The following ULK4 variants were observed in gnomAD, a reference collection of about 807,000 sequenced individuals.
ULK4 encodes the protein unc-51 like kinase 4.
In ULK4, 133 loss-of-function variants were observed where a neutral mutation model predicts 160.6. That is an observed-to-expected ratio of 0.83 (90% confidence interval 0.72 to 0.96). The LOEUF (loss-of-function observed/expected upper bound fraction) is 0.96. ULK4 is among the 40% of genes least tolerant of loss of function. The probability of loss-of-function intolerance (pLI) is 0.00; values close to 1 mark genes in which losing one functional copy is unlikely to be tolerated. For missense variants in ULK4, 1,580 were observed against 1,499.5 expected, an observed-to-expected ratio of 1.05 and a Z score of -0.89; for synonymous variants, 534 against 539.8, an observed-to-expected ratio of 0.99 and a Z score of 0.15.
intron 19 of ULK4, among the ~76,000 whole-genome samples, chr3:41,813,384 T>C (rs1346154868): frequency 1.3e-5 from 2 of 152,230 alleles, no homozygotes; most frequent in Non-Finnish European, 2.9e-5. Context: ...TCCAAAATTA[T>C]TTTCTGAACT....
rs534685777 is a variant in ULK4, at chr3:41,417,476, A to G, written c.3493-19212T>C. ...GAGGAGGCTGTGACCAGGTATGAAG[A>G]GCTCACAGAAGGCTGGGGTTAGCCT... is the stretch of plus-strand genomic sequence containing the variant. On this transcript the variant is annotated intron_variant, in intron 34 of 36. Transcript: ENST00000301831. 3.9e-5 allele frequency among the ~76,000 whole-genome samples: 6 copies of G among 152,288 alleles called. No individual in the cohort carries two copies. The East Asian group carries it at 1.2e-3, about 29-fold the overall frequency.
intron 16 of ULK4, among the ~76,000 whole-genome samples, chr3:41,894,683 C>A (rs977558665): frequency 4.7e-4 from 71 of 152,156 alleles, no homozygotes; most frequent in African/African-American, 1.7e-3. Flanking sequence ...TATCCCATCC[C>A]AATTTTACAG....
intron 21 of ULK4, among the ~76,000 whole-genome samples, chr3:41,764,646 G>A (rs1029765265): frequency 6.6e-6 from 1 of 152,206 alleles, no homozygotes; most frequent in African/African-American, 2.4e-5. Context: ...TGATAATAGT[G>A]CACTTGAATA....
intron 1 of ULK4, among the ~76,000 whole-genome samples, chr3:41,959,260 G>C (rs1162068802): frequency 6.6e-6 from 1 of 151,888 alleles, no homozygotes; most frequent in East Asian, 1.9e-4. Context: ...ACCTACTCGG[G>C]AGGCTGAGGC....
chr3:41,911,881 G>A (rs1698799549), intron 9 of ULK4, among the ~76,000 whole-genome samples: 1 of 152,166 alleles, frequency 6.6e-6, no homozygotes, highest in South Asian at 2.1e-4. Context: ...GGCCAGGCGT[G>A]GTGGTACACA....
At chr3:41,942,130 C>T (rs1467873713) in intron 2 of ULK4, among the ~76,000 whole-genome samples, 2 of 152,120 alleles carry the variant, frequency 1.3e-5, no homozygotes, top group African/African-American at 2.4e-5. Context: ...ACTGAGAACT[C>T]GAAAAGTGGC....
At chr3:41,667,173 C>A (rs1054466656) in intron 29 of ULK4, among the ~76,000 whole-genome samples, 6 of 150,478 alleles carry the variant, frequency 4.0e-5, no homozygotes, top group African/African-American at 1.5e-4. Flanking sequence ...AAAAGAAAAA[C>A]ACACACACAA....
At chr3:41,505,838 C>T (rs2085354625) in intron 32 of ULK4, among the ~76,000 whole-genome samples, 2 of 152,046 alleles carry the variant, frequency 1.3e-5, no homozygotes, top group African/African-American at 4.8e-5. Context: ...CTAGGACCTC[C>T]AATACAACAT....
At chr3:41,600,655 C>A (rs1396164477) in intron 31 of ULK4, among the ~76,000 whole-genome samples, 1 of 152,160 alleles carries the variant, frequency 6.6e-6, no homozygotes, top group African/African-American at 2.4e-5. Context: ...AATCACTCCA[C>A]ATCAGAGAGG....
intron 27 of ULK4, among the ~76,000 whole-genome samples, 200 bp downstream of exon 27, chr3:41,704,857 A>G (rs558285613): frequency 6.6e-6 from 1 of 152,170 alleles, no homozygotes; most frequent in Non-Finnish European, 1.5e-5. Context: ...GGAAGGAAAG[A>G]GAATAATAAA....
intron 1 of ULK4, among the ~76,000 whole-genome samples, chr3:41,960,832 ATAGTT>A (rs1303924024): frequency 1.3e-5 from 2 of 152,170 alleles, no homozygotes; most frequent in South Asian, 2.1e-4. Flanking sequence ...CACAGAATAC[ATAGTT>A]TAATGAATTA....
chr3:41,744,227 T>C (rs1422046393), intron 22 of ULK4, among the ~76,000 whole-genome samples: 2 of 151,908 alleles, frequency 1.3e-5, no homozygotes, highest in African/African-American at 4.9e-5. Flanking sequence ...TAAATGTAAA[T>C]GGTCCAAACA....
intron 35 of ULK4, among the ~76,000 whole-genome samples, chr3:41,355,245 C>T (rs934586759): frequency 6.6e-6 from 1 of 152,138 alleles, no homozygotes; most frequent in Non-Finnish European, 1.5e-5. Context: ...CACCCATACT[C>T]TTCAATTACC....
At chr3:41,578,082 T>C (rs990319981) in intron 31 of ULK4, among the ~76,000 whole-genome samples, 5 of 152,154 alleles carry the variant, frequency 3.3e-5, no homozygotes, top group South Asian at 2.1e-4. Flanking sequence ...AGGCCAGAAA[T>C]ACTTTTTGGA....
chr3:41,686,992 A>AG (rs1284079298), intron 27 of ULK4, among the ~76,000 whole-genome samples: 2 of 151,670 alleles, frequency 1.3e-5, no homozygotes, highest in African/African-American at 2.4e-5. Flanking sequence ...GTGAGGTGGG[A>AG]GGATAGCTTG....
intron 19 of ULK4, among the ~76,000 whole-genome samples, chr3:41,808,995 G>A (rs531391805): frequency 8.6e-4 from 130 of 152,002 alleles, no homozygotes; most frequent in African/African-American, 3.0e-3. Flanking sequence ...GTGAAACCCC[G>A]TCTCTACAAA....
chr3:41,809,194 A>G (rs1223639739), intron 19 of ULK4, among the ~76,000 whole-genome samples: 2 of 151,552 alleles, frequency 1.3e-5, no homozygotes, highest in Non-Finnish European at 2.9e-5. Context: ...AAAACAAAAA[A>G]AAACAAAAAA....
At chr3:41,720,091 T>C (rs970119571) in intron 22 of ULK4, among the ~76,000 whole-genome samples, 1 of 152,172 alleles carries the variant, frequency 6.6e-6, no homozygotes, top group Non-Finnish European at 1.5e-5. Context: ...TACTGTCTCA[T>C]AGCATGGAAG....
chr3:41,866,693 C>T (rs567096071), intron 17 of ULK4, among the ~76,000 whole-genome samples: 44 of 152,222 alleles, frequency 2.9e-4, no homozygotes, highest in Non-Finnish European at 5.6e-4. Context: ...CTATAATATG[C>T]GCTTGTGTAT....
Sources: gnomAD v4.1 joint callset for allele counts (sites outside exome capture counted in the v4.1 genomes callset) on GRCh38, gnomAD v4.1.1 for gene constraint, MANE v1.5 for transcripts, NCBI Gene and HGNC (gene_info 2026-07-23, HGNC 2026-07-21) for gene names.